Variants in OPN5 observed in about 807,000 individuals in gnomAD.
OPN5 encodes the protein opsin 5, also known as opsin-5.
A neutral mutation model predicts 41.7 loss-of-function variants in OPN5; 18 were observed. The ratio of observed to expected loss-of-function variants is 0.43; its 90% CI spans 0.30 to 0.64. The LOEUF (loss-of-function observed/expected upper bound fraction) is 0.64, where lower values mean the gene tolerates loss of function less well. Among genes scored for constraint, OPN5 ranks in the 30% least tolerant of loss-of-function variants. OPN5 has a pLI of 0.13. For missense variants in OPN5, 318 were observed against 434.5 expected, an observed-to-expected ratio of 0.73 and a Z score of 2.38; for synonymous variants, 178 against 164.3, an observed-to-expected ratio of 1.08 and a Z score of -0.64.
intron 1 of OPN5, 59 bp from the exon 2 acceptor site, chr6:47,786,456 T>C: frequency 1.3e-6 from 2 of 1,485,442 alleles, no homozygotes; most frequent in South Asian, 1.2e-5. Flanking sequence ...AAGTGTTTCA[T>C]ATCTGAGTGA....
intron 4 of OPN5, among the ~76,000 whole-genome samples, chr6:47,805,081 C>G (rs975485933): frequency 6.6e-6 from 1 of 152,176 alleles, no homozygotes; most frequent in Non-Finnish European, 1.5e-5. Context: ...CTAAAGCAAG[C>G]TTTATTTCTA....
At chr6:47,817,531 T>C (rs1157318996) in intron 6 of OPN5, among the ~76,000 whole-genome samples, 1 of 152,118 alleles carries the variant, frequency 6.6e-6, no homozygotes, top group Non-Finnish European at 1.5e-5. Context: ...ACCCAAAATG[T>C]AGTCTGCAGA....
intron 1 of OPN5, among the ~76,000 whole-genome samples, chr6:47,786,284 T>A (rs1220063939): frequency 6.6e-6 from 1 of 152,212 alleles, no homozygotes; most frequent in Non-Finnish European, 1.5e-5. Flanking sequence ...AAGTTAGCGA[T>A]GCCTTTTTCT....
chr6:47,807,841 A>G (rs745591693), intron 4 of OPN5, among the ~76,000 whole-genome samples: 32 of 151,706 alleles, frequency 2.1e-4, no homozygotes, highest in Non-Finnish European at 4.4e-4. Flanking sequence ...CAGAAATATT[A>G]TGATTTCCTG....
chr6:47,825,925 T>A (rs1250692005), downstream of OPN5: 22 of 152,088 alleles, frequency 1.4e-4, no homozygotes. Context: ...AGCAGATGAT[T>A]TACTTTTGCT....
At chr6:47,809,302 C>A (rs1774099381) in intron 5 of OPN5, among the ~76,000 whole-genome samples, 2 of 152,004 alleles carry the variant, frequency 1.3e-5, no homozygotes, top group African/African-American at 4.8e-5. Flanking sequence ...ATACTTCTTC[C>A]CTTGAATAAG....
At chr6:47,816,029 G>T (rs955140626) in intron 6 of OPN5, among the ~76,000 whole-genome samples, 3 of 152,236 alleles carry the variant, frequency 2.0e-5, no homozygotes, top group African/African-American at 7.2e-5. Flanking sequence ...AAACATATGT[G>T]AGAGAAAAAA....
chr6:47,822,134 G>T (rs1318977092), intron 6 of OPN5, among the ~76,000 whole-genome samples: 1 of 151,164 alleles, frequency 6.6e-6, no homozygotes, highest in Non-Finnish European at 1.5e-5. Context: ...AAAAATGCAG[G>T]TGATTCTTAT....
At chr6:47,792,368 C>G (rs1773401099) in intron 3 of OPN5, among the ~76,000 whole-genome samples, 1 of 152,158 alleles carries the variant, frequency 6.6e-6, no homozygotes. Context: ...TAAGATTCTC[C>G]CTTAGGACTC....
At chr6:47,792,325 C>T (rs1773399455) in intron 3 of OPN5, among the ~76,000 whole-genome samples, 2 of 152,226 alleles carry the variant, frequency 1.3e-5, no homozygotes, top group Non-Finnish European at 2.9e-5. Context: ...GCTCATTCCC[C>T]ACCTAGGAAG....
At chr6:47,823,193 A>G (rs1213346230) in intron 6 of OPN5, among the ~76,000 whole-genome samples, 4 of 152,246 alleles carry the variant, frequency 2.6e-5, no homozygotes, top group African/African-American at 9.6e-5. Flanking sequence ...ATACTTAAAC[A>G]GAAAAGGCAG....
At chr6:47,817,548 G>A (rs1172150220) in intron 6 of OPN5, among the ~76,000 whole-genome samples, 3 of 152,112 alleles carry the variant, frequency 2.0e-5, no homozygotes, top group African/African-American at 7.2e-5. Context: ...CAGACCCAGA[G>A]CTTGGGTATC....
intron 2 of OPN5, among the ~76,000 whole-genome samples, chr6:47,788,982 C>T (rs1581728077): frequency 6.6e-6 from 1 of 151,994 alleles, no homozygotes; most frequent in East Asian, 1.9e-4. Context: ...AAACATTCTA[C>T]TAAGTGGAAG....
At chr6:47,795,392 G>T (rs1387559020) in exon 4 of OPN5, 1 of 1,614,120 alleles carries the variant, frequency 6.2e-7, no homozygotes, top group Non-Finnish European at 8.5e-7. Flanking sequence ...CCTCGGTAGG[G>T]GGCCAGGTTT....
chr6:47,793,411 T>G (rs1250315401), intron 3 of OPN5, among the ~76,000 whole-genome samples: 1 of 152,228 alleles, frequency 6.6e-6, no homozygotes, highest in Admixed American at 6.5e-5. Flanking sequence ...TTTAATCTGA[T>G]GCACTATTAA....
chr6:47,811,821 TTGTCTTTATA>T (rs2113993964), intron 6 of OPN5, 90 bp downstream of exon 6: 1 of 796,526 alleles, frequency 1.3e-6, no homozygotes, highest in African/African-American at 1.7e-5. Flanking sequence ...GGCCACACTT[TTGTCTTTATA>T]TTATATTTTT....
intron 4 of OPN5, among the ~76,000 whole-genome samples, chr6:47,796,735 A>G (rs972402461): frequency 2.6e-5 from 4 of 152,178 alleles, no homozygotes; most frequent in African/African-American, 9.7e-5. Flanking sequence ...AGTAAGTCAG[A>G]GACTTGGTTC....
chr6:47,811,306 C>G (rs1452278452), intron 5 of OPN5, among the ~76,000 whole-genome samples: 1 of 152,076 alleles, frequency 6.6e-6, no homozygotes, highest in African/African-American at 2.4e-5. Context: ...TCAAACCTCC[C>G]CTGACCACCT....
intron 4 of OPN5, among the ~76,000 whole-genome samples, chr6:47,806,219 A>T (rs1374348527): frequency 6.6e-6 from 1 of 152,140 alleles, no homozygotes; most frequent in East Asian, 1.9e-4. Flanking sequence ...TACGCAGAAG[A>T]CAGATTTGAA....
Sources: allele counts gnomAD v4.1 joint callset (sites outside exome capture counted in the v4.1 genomes callset), GRCh38; gene constraint gnomAD v4.1.1; transcripts MANE v1.5; gene names NCBI Gene and HGNC (gene_info 2026-07-23, HGNC 2026-07-21).